The following RFX3 variants were observed in gnomAD, a reference collection of about 807,000 sequenced individuals.
RFX3 encodes the protein regulatory factor X3.
A neutral mutation model predicts 98.6 loss-of-function variants in RFX3; 14 were observed. The observed-to-expected ratio is 0.14, with a 90% confidence interval of 0.09 to 0.22. The LOEUF (loss-of-function observed/expected upper bound fraction) is 0.22, where lower values mean the gene tolerates loss of function less well. RFX3 is among the 10% of genes least tolerant of loss of function. The pLI is 1.00. For missense variants in RFX3, 639 were observed against 926.9 expected (o/e 0.69, Z 4.03); for synonymous variants, 383 against 328.4 (o/e 1.17, Z -1.80).
At chr9:3,503,501 C>T (rs916879425) in intron 1 of RFX3, among the ~76,000 whole-genome samples, 3 of 152,052 alleles carry the variant, frequency 2.0e-5, no homozygotes, top group African/African-American at 7.2e-5. Flanking sequence ...ATGACAGGCA[C>T]ATAATGCTGA....
chr9:3,224,394 A>G lies in RFX3; in HGVS notation c.*648T>C, dbSNP rs1817544951. On this transcript the variant is annotated 3_prime_UTR_variant, in exon 17 of 17. Transcript: ENST00000617270. ...CACAAATTATGTACATATTAGCATAATCTCTTGCAATTCTGTCATTTACTC... is the reference window on the plus strand; with the variant it reads ...CACAAATTATGTACATATTAGCATAGTCTCTTGCAATTCTGTCATTTACTC... The G allele has an allele frequency of 6.6e-6, 1 of 152,228 alleles. No homozygotes were observed. Among genetic ancestry groups the G allele is most frequent in the South Asian group, 2.1e-4 (1 of 4,832 alleles). The allele number at this position is 152,228 out of a possible 1,614,324, so 9.4% of individuals were successfully genotyped here.
chr9:3,482,589 A>G (rs1587824298), intron 1 of RFX3, among the ~76,000 whole-genome samples: 2 of 152,358 alleles, frequency 1.3e-5, no homozygotes, highest in Non-Finnish European at 2.9e-5. Flanking sequence ...TACGTTTAAT[A>G]TAAAATATTG....
At position 3,504,218 on chromosome 9, in the gene RFX3, C is replaced by G. The variant is rs1024192617; in HGVS notation, c.-9+21529G>C. Among the ~76,000 whole-genome samples, 22 of 116,018 alleles carry G rather than the reference C, an allele frequency of 1.9e-4. 1 individual carries two copies. The East Asian group carries it at 5.1e-3, about 27-fold the overall frequency. 76.1% of individuals were successfully genotyped at this position (116,018 alleles called of 152,430 possible). On this transcript the variant is annotated intron_variant, in intron 1 of 16. Transcript: ENST00000617270. Reference sequence around the variant, plus strand: ...TTATATATATTATATATATTATATACTATATTATATACTATATATTATATA... The same window carrying G: ...TTATATATATTATATATATTATATAGTATATTATATACTATATATTATATA...
chr9:3,324,045 A>G (rs1357235525), intron 4 of RFX3: 1 of 455,728 alleles, frequency 2.2e-6, no homozygotes, highest in Admixed American at 2.4e-5. Context: ...TAGGAAACAG[A>G]CGGTTCATGG....
chr9:3,442,163 G>A (rs973704271), intron 1 of RFX3, among the ~76,000 whole-genome samples: 1 of 152,092 alleles, frequency 6.6e-6, no homozygotes, highest in Non-Finnish European at 1.5e-5. Context: ...TCACACCATT[G>A]CACTCCAGCC....
At chr9:3,516,629 T>A (rs930431502) in intron 1 of RFX3, among the ~76,000 whole-genome samples, 1 of 152,150 alleles carries the variant, frequency 6.6e-6, no homozygotes, top group Admixed American at 6.5e-5. Flanking sequence ...ATAGCTTCAA[T>A]AATTGGGGAA....
At chr9:3,353,464 CTCA>C (rs1835397260) in intron 2 of RFX3, among the ~76,000 whole-genome samples, 1 of 151,988 alleles carries the variant, frequency 6.6e-6, no homozygotes, top group Non-Finnish European at 1.5e-5. Flanking sequence ...AAGAGAATCT[CTCA>C]TCATTTTCTG....
At position 3,392,506 on chromosome 9, in the gene RFX3, C is replaced by T. The variant is rs926881936; in HGVS notation, c.117+2966G>A. Among the ~76,000 whole-genome samples, 25 of 146,910 alleles carry T rather than the reference C, an allele frequency of 1.7e-4. 3 individuals carry two copies. The highest frequency in any genetic ancestry group is 1.4e-3 in the Admixed American group (21 of 14,844). ...CTGAACAATGAAATTGAAAATAGAA[C>T]AAAAAAAGTCCGGAAAGTGAAAAAA... On this transcript the variant is annotated intron_variant, in intron 2 of 16. Coordinates refer to ENST00000617270, the MANE Select transcript of RFX3 (RefSeq NM_001282116.2).
At chr9:3,331,577 ATCT>A (rs1276664430) in intron 3 of RFX3, among the ~76,000 whole-genome samples, 1 of 152,092 alleles carries the variant, frequency 6.6e-6, no homozygotes, top group Admixed American at 6.6e-5. Flanking sequence ...TCTTATATAT[ATCT>A]TAAAGCCTGG....
intron 1 of RFX3, among the ~76,000 whole-genome samples, chr9:3,448,825 C>T (rs961732915): frequency 6.6e-6 from 1 of 152,096 alleles, no homozygotes; most frequent in Non-Finnish European, 1.5e-5. Flanking sequence ...CAGCCATAAC[C>T]CACATTTTTA....
intron 2 of RFX3, among the ~76,000 whole-genome samples, chr9:3,370,481 TTAAAAACTATTAATTATATATATA>T (rs1837716649): frequency 6.6e-6 from 1 of 151,466 alleles, no homozygotes; most frequent in Non-Finnish European, 1.5e-5. Flanking sequence ...AAATTATTTT[TTAAAAACTATTAATTATATATATA>T]TATAATCTGT....
intron 5 of RFX3, among the ~76,000 whole-genome samples, chr9:3,299,995 T>C (rs1220862136): frequency 6.6e-6 from 1 of 150,386 alleles, no homozygotes; most frequent in African/African-American, 2.5e-5. Flanking sequence ...AACAGGTAAC[T>C]GGAAACTTCA....
At chr9:3,457,905 T>C (rs1340710086) in intron 1 of RFX3, among the ~76,000 whole-genome samples, 2 of 152,078 alleles carry the variant, frequency 1.3e-5, no homozygotes, top group South Asian at 2.1e-4. Context: ...CTAGGTGGAA[T>C]TGTAGGCTTC....
intron 1 of RFX3, among the ~76,000 whole-genome samples, chr9:3,421,815 C>T (rs941010763): frequency 6.6e-6 from 1 of 152,198 alleles, no homozygotes; most frequent in African/African-American, 2.4e-5. Context: ...CTCTGCCCCT[C>T]TGGTCTTCTA....
chr9:3,454,073 T>A (rs1016480855), intron 1 of RFX3, among the ~76,000 whole-genome samples: 1 of 152,138 alleles, frequency 6.6e-6, no homozygotes, highest in African/African-American at 2.4e-5. Context: ...TGTGCACAAA[T>A]ATGTGAATAA....
intron 2 of RFX3, among the ~76,000 whole-genome samples, chr9:3,377,343 G>A (rs905078431): frequency 1.3e-5 from 2 of 152,034 alleles, no homozygotes; most frequent in Non-Finnish European, 2.9e-5. Flanking sequence ...CTATCGCAGG[G>A]ACAAAAAACC....
chr9:3,383,424 C>G lies in RFX3; in HGVS notation c.117+12048G>C, dbSNP rs77967383. On this transcript the variant is annotated intron_variant, in intron 2 of 16. Coordinates refer to ENST00000617270, the MANE Select transcript of RFX3 (RefSeq NM_001282116.2). ...TACCATGGGGTTGCCATGTTTAGTA[C>G]AGCTGTCAGAGGGCTTATAGCACTT... 5.4e-3 allele frequency among the ~76,000 whole-genome samples: 814 copies of G among 152,114 alleles called. 5 individuals carry two copies. Among genetic ancestry groups the G allele is most frequent in the African/African-American group, 0.019 (782 of 41,500 alleles).
intron 1 of RFX3, among the ~76,000 whole-genome samples, chr9:3,465,241 T>C (rs867887483): frequency 1.3e-4 from 20 of 152,196 alleles, no homozygotes; most frequent in Middle Eastern, 6.8e-3. Context: ...CAATCCTTGT[T>C]CTAATATCTC....
intron 1 of RFX3, among the ~76,000 whole-genome samples, chr9:3,482,581 C>G (rs189313888): frequency 9.2e-5 from 14 of 152,226 alleles, no homozygotes; most frequent in Non-Finnish European, 1.8e-4. Context: ...ATGTTAATTA[C>G]GTTTAATATA....
Sources: allele counts gnomAD v4.1 joint callset (sites outside exome capture counted in the v4.1 genomes callset), GRCh38; gene constraint gnomAD v4.1.1; transcripts MANE v1.5; gene names NCBI Gene and HGNC (gene_info 2026-07-23, HGNC 2026-07-21).